Variants in MIA2 observed in about 807,000 individuals in gnomAD.
MIA2 encodes MIA SH3 domain ER export factor 2.
In MIA2, 127 loss-of-function variants were observed where a neutral mutation model predicts 167.8. The observed-to-expected ratio is 0.76, with a 90% CI of 0.66 to 0.88. MIA2 has a LOEUF of 0.88. Ranked by LOEUF, MIA2 falls within the 40% of genes least tolerant of loss-of-function variation. The pLI, the probability that MIA2 is intolerant of heterozygous loss-of-function variation, is 0.00. For missense variants in MIA2, 1,690 were observed against 1,624.7 expected, an observed-to-expected ratio of 1.04 and a Z score of -0.69; for synonymous variants, 552 against 541.9, an observed-to-expected ratio of 1.02 and a Z score of -0.26.
intron 2 of MIA2, among the ~76,000 whole-genome samples, chr14:39,239,043 A>C (rs933162681): frequency 8.5e-5 from 13 of 152,128 alleles, no homozygotes; most frequent in Non-Finnish European, 1.5e-5. Context: ...GGTCGACTTG[A>C]TACATGTATC....
rs147660628 is a variant in MIA2 at position 39,378,459 on chromosome 14, C to T, written c.2249-8426C>T. On this transcript the variant is annotated intron_variant, in intron 23 of 23. Transcript: ENST00000341502. ...ATCCATAAATCTATATCTAAGAGTA[C>T]TCCTTAGAGTTCTATAGCTGATTAT... Among the ~76,000 whole-genome samples the T allele has an allele frequency of 6.8e-3, 1,042 of 152,232 alleles. 7 individuals are homozygous for T. The highest frequency in any genetic ancestry group is 0.011 in the Non-Finnish European group (754 of 68,024).
intron 6 of MIA2, chr14:39,266,994 T>C: frequency 1.2e-6 from 1 of 838,054 alleles, no homozygotes; most frequent in Non-Finnish European, 1.5e-6. Context: ...AATCTCATCC[T>C]CTAGTCCCAA....
At chr14:39,285,685 C>CCCTCCCGGTT (rs2059640439) in intron 9 of MIA2, among the ~76,000 whole-genome samples, 8 of 148,706 alleles carry the variant, frequency 5.4e-5, no homozygotes, top group South Asian at 2.1e-4. Flanking sequence ...CCCTCCCGGT[C>CCCTCCCGGTT]GGGGTGGCTG....
intron 17 of MIA2, among the ~76,000 whole-genome samples, chr14:39,306,592 A>G (rs879148480): frequency 6.6e-6 from 1 of 152,230 alleles, no homozygotes; most frequent in Non-Finnish European, 1.5e-5. Context: ...TTACAATTCA[A>G]CATGAAAGTT....
chr14:39,248,213 A>C (rs1443219161), intron 4 of MIA2, 72 bp downstream of exon 4: 3 of 1,123,018 alleles, frequency 2.7e-6, no homozygotes, highest in East Asian at 3.1e-5. Flanking sequence ...AGTGCAAATC[A>C]GATGAAAAAG....
At chr14:39,319,635 G>A (rs2066065450) in intron 23 of MIA2, among the ~76,000 whole-genome samples, 1 of 151,894 alleles carries the variant, frequency 6.6e-6, no homozygotes, top group South Asian at 2.1e-4. Context: ...GTGCTTACAT[G>A]GACTAGCATT....
intron 9 of MIA2, among the ~76,000 whole-genome samples, chr14:39,287,030 ATTTCTT>A (rs1457718287): frequency 6.7e-6 from 1 of 149,572 alleles, no homozygotes; most frequent in African/African-American, 2.5e-5. Flanking sequence ...CAGGCCTTTT[ATTTCTT>A]TTTCTTGTCT....
intron 13 of MIA2, among the ~76,000 whole-genome samples, chr14:39,298,530 G>GTTTTGTTTTTTTTTTTTT (rs2061832220): frequency 7.6e-5 from 2 of 26,180 alleles, no homozygotes; most frequent in Admixed American, 6.1e-4. Flanking sequence ...GTAGAACAGA[G>GTTTTGTTTTTTTTTTTTT]TTTTTTTTTT....
downstream of MIA2, among the ~76,000 whole-genome samples, chr14:39,353,819 G>GT (rs1555419925): frequency 6.6e-6 from 1 of 152,110 alleles, no homozygotes; most frequent in Non-Finnish European, 1.5e-5. Context: ...GCGGTGTTTG[G>GT]TTTTTTGTCC....
intron 23 of MIA2, among the ~76,000 whole-genome samples, chr14:39,358,073 G>C (rs1048715588): frequency 1.3e-5 from 2 of 152,160 alleles, no homozygotes; most frequent in Non-Finnish European, 2.9e-5. Flanking sequence ...GGTGGTCTCT[G>C]TATTTCCTGA....
chr14:39,268,920 G>A, intron 6 of MIA2: 1 of 782,324 alleles, frequency 1.3e-6, no homozygotes, highest in Non-Finnish European at 1.6e-6. Flanking sequence ...AGAAAGAGAA[G>A]CATATTTCCC....
intron 23 of MIA2, among the ~76,000 whole-genome samples, chr14:39,362,015 C>T (rs1311584897): frequency 6.6e-6 from 1 of 152,102 alleles, no homozygotes; most frequent in Non-Finnish European, 1.5e-5. Flanking sequence ...GTTGAACCAT[C>T]CTTTTATCTG....
intron 19 of MIA2, among the ~76,000 whole-genome samples, 193 bp from the exon 20 acceptor site, chr14:39,314,546 G>A (rs1181877806): frequency 1.4e-5 from 2 of 147,834 alleles, no homozygotes; most frequent in Non-Finnish European, 3.0e-5. Context: ...GTTAAAATTA[G>A]TTTAGGAAAA....
rs184566511 is a variant in MIA2, at chr14:39,330,002, T to A, written c.3655+2980T>A. Among the ~76,000 whole-genome samples the A allele has an allele frequency of 1.6e-3, 240 of 152,312 alleles. 1 individual carries two copies. The highest frequency in any genetic ancestry group is 2.2e-3 in the Non-Finnish European group (148 of 68,014). On this transcript the variant is annotated intron_variant, in intron 25 of 28. Coordinates refer to ENST00000640607, the MANE Select transcript of MIA2 (RefSeq NM_001329214.4). ...ACCTCATAAAATGAGCTAGGGAGGA[T>A]TCCCTCTTTTTCTGTTGATTGGAAT...
At chr14:39,261,869 C>G (rs1392446426) in intron 6 of MIA2, among the ~76,000 whole-genome samples, 1 of 152,008 alleles carries the variant, frequency 6.6e-6, no homozygotes, top group Non-Finnish European at 1.5e-5. Context: ...TGTTTGAGTT[C>G]TTTGTAGACT....
In MIA2 at chr14:39,350,014, G is replaced by C. The variant is rs990488919; in HGVS notation, c.4073-84G>C. 7.2e-6 allele frequency: 4 copies of C among 552,492 alleles called. No homozygotes were observed. The African/African-American group carries it at 7.8e-5, about 11-fold the overall frequency. 34.2% of individuals were successfully genotyped at this position (552,492 alleles called of 1,614,324 possible). A position where few individuals can be genotyped will look rare whatever the true frequency, so the allele number is the denominator to read the frequency against. On this transcript the variant is annotated intron_variant, in intron 28 of 28. Transcript: ENST00000640607. The stretch of plus-strand genomic sequence containing the variant: ...ATTTTCAAATAAAAGAATAGGTAAT[G>C]GAAGTTATAAACTTAATGATTTATT...
rs373124446 is a variant in MIA2 at position 39,325,557 on chromosome 14, T to C, written c.3497-1307T>C. Among the ~76,000 whole-genome samples the C allele has an allele frequency of 1.1e-3, 161 of 146,834 alleles. 3 individuals carry two copies. The Middle Eastern group carries it at 0.021, about 19-fold the overall frequency. ...TAATTTTTTGTATTTTTAGTAGAGA[T>C]GGGGTTTCACCTTGTTAGCCAGGAT... On this transcript the variant is annotated intron_variant, in intron 24 of 28. Coordinates refer to ENST00000640607, the MANE Select transcript of MIA2 (RefSeq NM_001329214.4).
At chr14:39,370,546 A>G (rs1595953340) in intron 23 of MIA2, 1 of 370,736 alleles carries the variant, frequency 2.7e-6, no homozygotes, top group African/African-American at 2.1e-5. Context: ...CAGTTGTAGG[A>G]TATGCACCAC....
intron 27 of MIA2, among the ~76,000 whole-genome samples, chr14:39,348,264 G>A (rs1410672375): frequency 6.6e-6 from 1 of 152,106 alleles, no homozygotes; most frequent in Non-Finnish European, 1.5e-5. Flanking sequence ...TTTGTAGATG[G>A]TAACCTATGG....
Sources: gnomAD v4.1 joint callset for allele counts (sites outside exome capture counted in the v4.1 genomes callset) on GRCh38, gnomAD v4.1.1 for gene constraint, MANE v1.5 for transcripts, NCBI Gene and HGNC (gene_info 2026-07-23, HGNC 2026-07-21) for gene names.